The following CASP9 variants were observed in gnomAD, a reference collection of about 807,000 sequenced individuals.
CASP9 encodes caspase-9.
A neutral mutation model predicts 43.5 loss-of-function variants in CASP9; 29 were observed. That is an observed-to-expected ratio of 0.67 (90% CI 0.50 to 0.91). The LOEUF is 0.91. Ranked by LOEUF, CASP9 falls within the 40% of genes least tolerant of loss-of-function variation. CASP9 has a pLI of 0.00. For missense variants in CASP9, 575 were observed against 537.4 expected, an observed-to-expected ratio of 1.07 and a Z score of -0.69; for synonymous variants, 206 against 211.9, an observed-to-expected ratio of 0.97 and a Z score of 0.24.
intron 6 of CASP9, among the ~76,000 whole-genome samples, chr1:15,503,728 C>T (rs866490160): frequency 1.3e-5 from 2 of 152,132 alleles, no homozygotes; most frequent in African/African-American, 2.4e-5. Context: ...AGCTGGACAG[C>T]GCTATGGTAT....
At chr1:15,514,314 T>C (rs1709873432) in intron 2 of CASP9, among the ~76,000 whole-genome samples, 1 of 152,224 alleles carries the variant, frequency 6.6e-6, no homozygotes, top group African/African-American at 2.4e-5. Context: ...CTTTCCTGTA[T>C]TCACTTATTA....
intron 7 of CASP9, among the ~76,000 whole-genome samples, chr1:15,494,595 G>A (rs967803046): frequency 6.6e-6 from 1 of 150,834 alleles, no homozygotes; most frequent in Non-Finnish European, 1.5e-5. Flanking sequence ...TGGGCGCGGT[G>A]GCTCACGCCT....
intron 2 of CASP9, 77 bp from the exon 3 acceptor site, chr1:15,507,984 C>T: frequency 2.0e-6 from 3 of 1,475,236 alleles, no homozygotes; most frequent in Non-Finnish European, 2.8e-6. Flanking sequence ...GTGAGGACAG[C>T]CCCCCAAGAA....
intron 3 of CASP9, 93 bp from the exon 4 acceptor site, chr1:15,507,168 T>A (rs1709559883): frequency 1.4e-6 from 2 of 1,476,154 alleles, no homozygotes. Context: ...GTCTGCCCTC[T>A]CGCACAAGGA....
chr1:15,510,016 T>C (rs1347594406), intron 2 of CASP9, among the ~76,000 whole-genome samples: 1 of 152,120 alleles, frequency 6.6e-6, no homozygotes, highest in Non-Finnish European at 1.5e-5. Flanking sequence ...CTGCAACTTC[T>C]GCCTCCTGGG....
In CASP9 at chr1:15,491,578, C is replaced by G; in HGVS notation, c.*1365G>C. The G allele has an allele frequency of 2.3e-6, 1 of 437,368 alleles. No individual in the cohort carries two copies. The highest frequency in any genetic ancestry group is 4.2e-5 in the East Asian group (1 of 23,636). 27.1% of individuals were successfully genotyped at this position (437,368 alleles called of 1,614,324 possible). On this transcript the variant is annotated 3_prime_UTR_variant, in exon 9 of 9. Transcript: ENST00000333868. ...TTCAAGACCAGCCTGAGTAACATGG[C>G]ATAACTCTGTCTCTACTAAAAATAC...
chr1:15,511,764 G>A (rs4646028), intron 2 of CASP9, among the ~76,000 whole-genome samples: 73 of 152,292 alleles, frequency 4.8e-4, no homozygotes, highest in Admixed American at 9.1e-4. Context: ...GCTCAGGTCT[G>A]CTGGGAAAAA....
At chr1:15,513,049 T>C (rs1862712) in intron 2 of CASP9, among the ~76,000 whole-genome samples, 89,003 of 151,546 alleles carry the variant, frequency 0.59, 26,779 homozygotes, top group African/African-American at 0.71. Flanking sequence ...TAGTCCCAGA[T>C]ACTCGGGAGG....
chr1:15,518,637 A>C lies in CASP9; in HGVS notation c.133-242T>G, dbSNP rs116882918. 8.7e-4 allele frequency among the ~76,000 whole-genome samples: 133 copies of C among 152,338 alleles called. 2 individuals carry two copies. In the East Asian group the frequency reaches 0.023, roughly 26 times the overall value. ...GCTGCCATGGACAGTCTCAGTCCTT[A>C]AGGAGCAAATTTCTAATGGGGAATG... On this transcript the variant is annotated intron_variant, in intron 1 of 8. Transcript: ENST00000333868.
chr1:15,518,386 A>G lies in CASP9; in HGVS notation c.142T>C (p.Ser48Pro). 6.2e-7 allele frequency: 1 copy of G among 1,610,484 alleles called. No individual in the cohort carries two copies. The highest frequency in any genetic ancestry group is 8.5e-7 in the Non-Finnish European group (1 of 1,177,434). ...HMIEDIQRAG[S>P]GSRRDQARQL... Reference sequence around the variant, plus strand: ...CTGGCCTGATCCCGCCGAGATCCAGAGCCTGCCCGCTGTTTGGAAAGAAAG... The same window carrying G: ...CTGGCCTGATCCCGCCGAGATCCAGGGCCTGCCCGCTGTTTGGAAAGAAAG... The change falls in exon 2 of 9, where the codon TCT (serine) becomes CCT (proline). Residue 48 changes from serine to proline, a missense_variant. By Grantham distance (74) the Ser-to-Pro change is moderately conservative (BLOSUM62 -1). Transcript: ENST00000333868.
intron 3 of CASP9, 79 bp from the exon 4 acceptor site, chr1:15,507,154 C>T (rs2308942): frequency 8.3e-6 from 13 of 1,559,976 alleles, no homozygotes; most frequent in East Asian, 4.5e-5. Context: ...GGGAAGAAAA[C>T]GGGGTCTGCC....
In CASP9 at chr1:15,493,041, A is replaced by G. The variant is rs1422262331; in HGVS notation, c.1159-6T>C. 1 of 1,613,886 alleles carries G rather than the reference A, an allele frequency of 6.2e-7. No individual in the cohort carries two copies. Among genetic ancestry groups the G allele is most frequent in the Non-Finnish European group, 8.5e-7 (1 of 1,180,044 alleles). On this transcript the variant is annotated splice_region_variant and splice_polypyrimidine_tract_variant and intron_variant, in intron 8 of 8. Transcript: ENST00000333868. ...ACCGAAACAGCATTAGCGACCTGTA[A>G]GACATGACCATGGAGAGCTCTGTGA...
chr1:15,491,479 C>A lies in CASP9; in HGVS notation c.*1464G>T. 2.2e-6 allele frequency: 2 copies of A among 917,386 alleles called. No homozygotes were observed. Among genetic ancestry groups the A allele is most frequent in the Non-Finnish European group, 3.3e-6 (2 of 604,020 alleles). The allele number at this position is 917,386 out of a possible 1,614,324, so 56.8% of individuals were successfully genotyped here. A position where few individuals can be genotyped will look rare whatever the true frequency, so the allele number is the denominator to read the frequency against. ...AGGGCCCTAAGAACCAGAAATAGGT[C>A]AGGCGCAATGGCTCAAGCCTGTAAC... On this transcript the variant is annotated 3_prime_UTR_variant, in exon 9 of 9. Transcript: ENST00000333868.
At chr1:15,508,212 C>T (rs1387062334) in intron 2 of CASP9, among the ~76,000 whole-genome samples, 1 of 152,178 alleles carries the variant, frequency 6.6e-6, no homozygotes, top group Admixed American at 6.5e-5. Flanking sequence ...ATGGAAACAA[C>T]CAATCTAACA....
intron 8 of CASP9, chr1:15,493,281 G>T: frequency 1.5e-6 from 2 of 1,361,588 alleles, no homozygotes; most frequent in Admixed American, 3.3e-5. Flanking sequence ...GCCAGGAGTG[G>T]CCCCAGCCTC....
At position 15,491,579 on chromosome 1, in the gene CASP9, A is replaced by G. The variant is rs1570816439; in HGVS notation, c.*1364T>C. ...TCAAGACCAGCCTGAGTAACATGGC[A>G]TAACTCTGTCTCTACTAAAAATACA... On this transcript the variant is annotated 3_prime_UTR_variant, in exon 9 of 9. Coordinates refer to ENST00000333868, the MANE Select transcript of CASP9 (RefSeq NM_001229.5). 4 of 437,740 alleles carry G rather than the reference A, an allele frequency of 9.1e-6. No individual in the cohort carries two copies. The highest frequency in any genetic ancestry group is 1.7e-5 in the Non-Finnish European group (4 of 239,066). The allele number at this position is 437,740 out of a possible 1,614,324, so 27.1% of individuals were successfully genotyped here.
chr1:15,511,187 G>A (rs984544656), intron 2 of CASP9, among the ~76,000 whole-genome samples: 2 of 152,196 alleles, frequency 1.3e-5, no homozygotes, highest in Non-Finnish European at 2.9e-5. Flanking sequence ...AGGGTTTAAG[G>A]AATTTGGCTC....
rs1004210517 is a variant in CASP9, at chr1:15,496,618, C to G, written c.869-1166G>C. Among the ~76,000 whole-genome samples, 3 of 152,176 alleles carry G rather than the reference C, an allele frequency of 2.0e-5. No homozygotes were observed. In the South Asian group the frequency reaches 6.2e-4, roughly 32 times the overall value. On this transcript the variant is annotated intron_variant, in intron 6 of 8. Transcript: ENST00000333868. ...TTTCTATACACTAACAATGAACAAT[C>G]AGAAAAAGAAATTACAAAAATGGTT...
intron 4 of CASP9, among the ~76,000 whole-genome samples, chr1:15,506,298 A>AC (rs1401745913): frequency 6.6e-6 from 1 of 150,742 alleles, no homozygotes; most frequent in Non-Finnish European, 1.5e-5. Context: ...AAAATACAAA[A>AC]AAAAAAATTT....
Sources: gnomAD v4.1 joint callset for allele counts (sites outside exome capture counted in the v4.1 genomes callset) on GRCh38, gnomAD v4.1.1 for gene constraint, MANE v1.5 for transcripts, NCBI Gene and HGNC (gene_info 2026-07-23, HGNC 2026-07-21) for gene names.